The following BNC2 variants were observed in gnomAD, a reference collection of about 807,000 sequenced individuals.
The protein encoded by BNC2 is basonuclin zinc finger protein 2.
Under a neutral mutation model 76.3 loss-of-function variants are expected in BNC2, and 20 were observed. The ratio of observed to expected loss-of-function variants is 0.26; its 90% confidence interval spans 0.18 to 0.38. The LOEUF (loss-of-function observed/expected upper bound fraction) is 0.38, where lower values mean the gene tolerates loss of function less well. Among genes scored for constraint, BNC2 ranks in the 10% least tolerant of loss-of-function variants. The pLI, the probability that BNC2 is intolerant of heterozygous loss-of-function variation, is 1.00. For synonymous variants in BNC2, 582 were observed against 514.8 expected (o/e 1.13, Z -1.77); for missense variants, 1,382 against 1,399.8 (o/e 0.99, Z 0.20).
intron 4 of BNC2, among the ~76,000 whole-genome samples, chr9:16,577,799 A>T (rs1005459243): frequency 6.6e-6 from 1 of 152,198 alleles, no homozygotes; most frequent in African/African-American, 2.4e-5. Flanking sequence ...CCTCAGCCAA[A>T]GGAAATAACA....
chr9:16,760,269 C>A (rs1456598485), intron 1 of BNC2, among the ~76,000 whole-genome samples: 1 of 152,126 alleles, frequency 6.6e-6, no homozygotes, highest in African/African-American at 2.4e-5. Flanking sequence ...CAGCAACTCT[C>A]AGAAAAATGT....
intron 5 of BNC2, among the ~76,000 whole-genome samples, chr9:16,534,184 G>A (rs1182372888): frequency 6.6e-6 from 1 of 152,092 alleles, no homozygotes; most frequent in Non-Finnish European, 1.5e-5. Context: ...ACTAGTTTTG[G>A]CACTGTTAAG....
intron 5 of BNC2, among the ~76,000 whole-genome samples, chr9:16,506,548 G>A (rs1199338187): frequency 2.4e-4 from 20 of 82,614 alleles, no homozygotes; most frequent in Non-Finnish European, 3.6e-4. Context: ...TTTTTTTGAC[G>A]GAATCTCACC....
At chr9:16,722,750 T>A (rs1437748221) in intron 3 of BNC2, among the ~76,000 whole-genome samples, 1 of 152,232 alleles carries the variant, frequency 6.6e-6, no homozygotes, top group African/African-American at 2.4e-5. Flanking sequence ...TGTTTGTGCA[T>A]GCTTTACTTG....
intron 3 of BNC2, among the ~76,000 whole-genome samples, chr9:16,627,775 T>C (rs1288160139): frequency 6.6e-6 from 1 of 152,174 alleles, no homozygotes; most frequent in Non-Finnish European, 1.5e-5. Flanking sequence ...TGGGCATTTT[T>C]CAGCAAATTA....
chr9:16,538,823 A>G (rs1012080137), intron 5 of BNC2, among the ~76,000 whole-genome samples: 4 of 152,226 alleles, frequency 2.6e-5, no homozygotes, highest in Non-Finnish European at 5.9e-5. Context: ...AAATTCCTTA[A>G]AGCATTGACT....
chr9:16,736,424 T>G (rs1056729206), intron 2 of BNC2, among the ~76,000 whole-genome samples: 1 of 67,780 alleles, frequency 1.5e-5, no homozygotes, highest in Non-Finnish European at 3.0e-5. Flanking sequence ...TTTCAAAAAT[T>G]TTTATAGAAA....
chr9:16,727,826 T>C lies in BNC2; in HGVS notation c.301A>G (p.Thr101Ala), dbSNP rs775993285. 3.1e-6 allele frequency: 5 copies of C among 1,614,172 alleles called. No individual in the cohort carries two copies. The South Asian group carries it at 3.3e-5, about 11-fold the overall frequency. ...TGGGACATTCTGAATAAGAGGTTAG[T>C]ATCAGCGTTTTGCCATGTCCCCATG... ...GFMGTWQNAD[T>A]NLLFRMSQQA... is the part of the protein sequence containing the mutation. The change falls in exon 3 of 7, where the codon ACT becomes GCT. Residue 101 changes from threonine (T) to alanine (A), a missense_variant. This residue lies in a region of BNC2 where 557 missense variants were observed against 540.9 expected (regional missense o/e 1.03). Coordinates refer to ENST00000380672, the MANE Select transcript of BNC2 (RefSeq NM_017637.6).
At position 16,410,195 on chromosome 9, in the gene BNC2, C is replaced by T. The variant is rs566430460; in HGVS notation, c.*8794G>A. ...AACAGAGAACTGGCTTTCCCAGATC[C>T]CCAACCAGCCCCTTCCCCTCACCTT... On this transcript the variant is annotated 3_prime_UTR_variant, in exon 7 of 7. Transcript: ENST00000380672. 1.3e-5 allele frequency: 2 copies of T among 152,286 alleles called. No homozygotes were observed. Among genetic ancestry groups the T allele is most frequent in the Admixed American group, 6.5e-5 (1 of 15,302 alleles). The allele number at this position is 152,286 out of a possible 1,614,324, so 9.4% of individuals were successfully genotyped here.
At chr9:16,599,573 CAGA>C (rs1417789649) in intron 3 of BNC2, among the ~76,000 whole-genome samples, 1 of 152,160 alleles carries the variant, frequency 6.6e-6, no homozygotes, top group Non-Finnish European at 1.5e-5. Context: ...CACCTGAGGT[CAGA>C]AGTTCAACAC....
intron 3 of BNC2, among the ~76,000 whole-genome samples, chr9:16,657,791 C>A (rs533333391): frequency 6.3e-4 from 96 of 152,242 alleles, no homozygotes; most frequent in Middle Eastern, 3.4e-3. Flanking sequence ...GCATCAATGA[C>A]ATTACATCAT....
chr9:16,642,924 A>T (rs917330870), intron 3 of BNC2, among the ~76,000 whole-genome samples: 3 of 152,182 alleles, frequency 2.0e-5, no homozygotes, highest in African/African-American at 7.2e-5. Context: ...AAATGTAGAC[A>T]AGTTACTTTC....
At chr9:16,766,445 C>G (rs1304590621) in intron 1 of BNC2, among the ~76,000 whole-genome samples, 3 of 152,146 alleles carry the variant, frequency 2.0e-5, no homozygotes, top group Non-Finnish European at 4.4e-5. Context: ...GCCCTCCAAT[C>G]TGGACCTAAA....
Position 16,617,796 on chromosome 9 carries a change from A to T in BNC2, c.331-34711T>A, listed in dbSNP as rs547591253. Among the ~76,000 whole-genome samples the T allele has an allele frequency of 4.3e-4, 66 of 152,310 alleles. 1 individual carries two copies. Among genetic ancestry groups the T allele is most frequent in the African/African-American group, 1.5e-3 (63 of 41,574 alleles). On this transcript the variant is annotated intron_variant, in intron 3 of 6. Transcript: ENST00000380672. ...ATACATTCATTAAATCCTCACAATT[A>T]ACTTCAGCTATGCAGGAAGTAGGTA...
intron 1 of BNC2, among the ~76,000 whole-genome samples, chr9:16,854,654 C>T (rs1305782816): frequency 1.3e-5 from 2 of 151,812 alleles, no homozygotes; most frequent in Non-Finnish European, 1.5e-5. Flanking sequence ...AAATTTGAAA[C>T]GAGTGAAATG....
intron 6 of BNC2, among the ~76,000 whole-genome samples, chr9:16,423,277 C>A (rs1211992942): frequency 6.6e-6 from 1 of 152,110 alleles, no homozygotes; most frequent in African/African-American, 2.4e-5. Context: ...TTCTTACATT[C>A]TATAAGAACA....
intron 1 of BNC2, among the ~76,000 whole-genome samples, chr9:16,854,349 C>A (rs1819201074): frequency 6.6e-6 from 1 of 152,156 alleles, no homozygotes; most frequent in Non-Finnish European, 1.5e-5. Context: ...AAAACCTAAT[C>A]TTAACCCTTA....
intron 3 of BNC2, among the ~76,000 whole-genome samples, chr9:16,623,351 G>GT (rs950439659): frequency 1.3e-5 from 2 of 152,062 alleles, no homozygotes; most frequent in African/African-American, 4.8e-5. Context: ...TAATACAAAG[G>GT]TAGCAGAAAA....
rs185536146 is a variant in BNC2 at position 16,863,799 on chromosome 9, C to T, written c.3+6847G>A. Among the ~76,000 whole-genome samples, 500 of 152,238 alleles carry T rather than the reference C, an allele frequency of 3.3e-3. 2 individuals carry two copies. Among genetic ancestry groups the T allele is most frequent in the Middle Eastern group, 0.014 (4 of 294 alleles). On this transcript the variant is annotated intron_variant, in intron 1 of 6. Coordinates refer to ENST00000380672, the MANE Select transcript of BNC2 (RefSeq NM_017637.6). ...ACTTTACAGGGATTTGGCAATAAGT[C>T]ATTAACATATTTGAAAAGTTATTGG...
Sources: gnomAD v4.1 joint callset for allele counts (sites outside exome capture counted in the v4.1 genomes callset) on GRCh38, gnomAD v4.1.1 for gene constraint, gnomAD v4.1.1 regional missense constraint, MANE v1.5 for transcripts, NCBI Gene and HGNC (gene_info 2026-07-23, HGNC 2026-07-21) for gene names.